The following THSD7A variants were observed in gnomAD, a reference collection of about 807,000 sequenced individuals.
The protein encoded by THSD7A is thrombospondin type 1 domain containing 7A.
Under a neutral mutation model 231.3 loss-of-function variants are expected in THSD7A, and 96 were observed. That is an observed-to-expected ratio of 0.41 (90% confidence interval 0.35 to 0.49). The LOEUF (loss-of-function observed/expected upper bound fraction) is 0.49. THSD7A is among the 20% of genes least tolerant of loss of function. The pLI, the probability that THSD7A is intolerant of heterozygous loss-of-function variation, is 0.05. For missense variants in THSD7A, 2,290 were observed against 2,070.2 expected (o/e 1.11, Z -2.06); for synonymous variants, 940 against 743.3 (o/e 1.26, Z -4.30).
chr7:11,541,075 G>A (rs1358266279), intron 6 of THSD7A, among the ~76,000 whole-genome samples: 1 of 152,108 alleles, frequency 6.6e-6, no homozygotes, highest in African/African-American at 2.4e-5. Flanking sequence ...TGGAGCTATA[G>A]ACTTTTTTAA....
intron 4 of THSD7A, among the ~76,000 whole-genome samples, chr7:11,564,646 C>T (rs17149872): frequency 0.29 from 43,930 of 152,010 alleles, 6,426 homozygotes; most frequent in South Asian, 0.42. Flanking sequence ...GGGCTGTCTC[C>T]TGATTTCAAG....
chr7:11,621,156 T>C (rs541327577), intron 2 of THSD7A, among the ~76,000 whole-genome samples: 12 of 152,312 alleles, frequency 7.9e-5, no homozygotes, highest in African/African-American at 2.6e-4. Flanking sequence ...AATTTGCAAG[T>C]CTAAAATTAA....
intron 9 of THSD7A, among the ~76,000 whole-genome samples, chr7:11,465,237 A>G (rs1370454277): frequency 2.6e-5 from 4 of 152,288 alleles, no homozygotes; most frequent in African/African-American, 9.6e-5. Flanking sequence ...ATTTCTTTCC[A>G]CTTATTCCTT....
intron 1 of THSD7A, among the ~76,000 whole-genome samples, chr7:11,741,569 C>A (rs1441602700): frequency 6.6e-6 from 1 of 151,672 alleles, no homozygotes; most frequent in African/African-American, 2.4e-5. Context: ...GATGAAATAT[C>A]AGGGAATATT....
Position 11,814,082 on chromosome 7 carries a change from G to T in THSD7A, c.190+17675C>A, listed in dbSNP as rs2883595. On this transcript the variant is annotated intron_variant, in intron 1 of 27. Coordinates refer to ENST00000423059, the MANE Select transcript of THSD7A (RefSeq NM_015204.3). This position sits in a 1 kb window ranked among gnomAD's most constrained non-coding sequence, Gnocchi z 5.1. ...AAGTTATGATGCCATTCATATGAAAGGTCCAGACTAGGCGAATAGAGAAAA... is the reference window on the plus strand; with the variant it reads ...AAGTTATGATGCCATTCATATGAAATGTCCAGACTAGGCGAATAGAGAAAA... Among the ~76,000 whole-genome samples the T allele has an allele frequency of 0.76, 115,577 of 152,052 alleles. 44,282 individuals carry two copies. Among genetic ancestry groups the T allele is most frequent in the Admixed American group, 0.83 (12,716 of 15,278 alleles).
intron 13 of THSD7A, among the ~76,000 whole-genome samples, chr7:11,432,420 C>T (rs1353836253): frequency 6.6e-6 from 1 of 152,096 alleles, no homozygotes; most frequent in Non-Finnish European, 1.5e-5. Flanking sequence ...TTTCACTGAA[C>T]ACACCCCTGA....
chr7:11,542,720 C>T (rs561805062), intron 5 of THSD7A, among the ~76,000 whole-genome samples: 37 of 152,206 alleles, frequency 2.4e-4, no homozygotes, highest in Non-Finnish European at 5.3e-4. Flanking sequence ...AACCATTGCA[C>T]TAAACTGTCT....
intron 1 of THSD7A, among the ~76,000 whole-genome samples, chr7:11,692,146 T>C (rs779772094): frequency 6.6e-5 from 10 of 151,404 alleles, no homozygotes; most frequent in Non-Finnish European, 1.2e-4. Context: ...ACAACCAAAA[T>C]CTGTGAGAGT....
rs536712050 is a variant in THSD7A at position 11,719,329 on chromosome 7, A to G, written c.191-82368T>C. ...TCTCCTATACTAAATGAGACTCAGT[A>G]TCTGGAGACATCAGCCTTCATTGTT... is the stretch of plus-strand genomic sequence containing the variant. On this transcript the variant is annotated intron_variant, in intron 1 of 27. Coordinates refer to ENST00000423059, the MANE Select transcript of THSD7A (RefSeq NM_015204.3). Among the ~76,000 whole-genome samples the G allele has an allele frequency of 6.2e-4, 94 of 151,754 alleles. 1 individual carries two copies. Among genetic ancestry groups the G allele is most frequent in the African/African-American group, 2.2e-3 (93 of 41,466 alleles).
At chr7:11,478,770 G>A (rs28611366) in intron 7 of THSD7A, among the ~76,000 whole-genome samples, 4 of 152,012 alleles carry the variant, frequency 2.6e-5, no homozygotes, top group African/African-American at 9.7e-5. Context: ...TGGGGCCATC[G>A]ATAGATAGAT....
intron 1 of THSD7A, among the ~76,000 whole-genome samples, chr7:11,830,635 C>A (rs1335107713): frequency 2.6e-5 from 4 of 152,150 alleles, no homozygotes; most frequent in Non-Finnish European, 1.5e-5. Flanking sequence ...TCTGTTTAAT[C>A]TCCTCACTAA....
At chr7:11,658,014 A>G (rs1482364165) in intron 1 of THSD7A, among the ~76,000 whole-genome samples, 1 of 151,754 alleles carries the variant, frequency 6.6e-6, no homozygotes, top group African/African-American at 2.4e-5. Flanking sequence ...ATGAAAGTCA[A>G]GTACTAGATG....
chr7:11,658,198 A>T (rs1782781787), intron 1 of THSD7A, among the ~76,000 whole-genome samples: 3 of 151,966 alleles, frequency 2.0e-5, no homozygotes, highest in Middle Eastern at 3.4e-3. Flanking sequence ...GGCAATTCAA[A>T]TATAATGTGT....
At chr7:11,488,335 T>A (rs1786748002) in intron 6 of THSD7A, among the ~76,000 whole-genome samples, 2 of 152,038 alleles carry the variant, frequency 1.3e-5, no homozygotes, top group African/African-American at 4.8e-5. Context: ...AGGGAAAAAA[T>A]GGAGTCTCAT....
chr7:11,584,338 T>G (rs1051648076), intron 4 of THSD7A, among the ~76,000 whole-genome samples: 3 of 152,150 alleles, frequency 2.0e-5, no homozygotes, highest in Admixed American at 2.0e-4. Context: ...ATATTAGTAG[T>G]TATTAAACAA....
intron 1 of THSD7A, among the ~76,000 whole-genome samples, chr7:11,703,206 C>T (rs1780659743): frequency 6.6e-6 from 1 of 151,218 alleles, no homozygotes; most frequent in South Asian, 2.1e-4. Context: ...AGCGTTCAAA[C>T]TCTGGTGTTG....
rs537404514 is a variant in THSD7A, at chr7:11,446,853, C to A, written c.2800+377G>T. On this transcript the variant is annotated intron_variant, in intron 12 of 27. Transcript: ENST00000423059. The surrounding 1 kb of genome is among the most constrained non-coding windows in gnomAD (Gnocchi z 4.0). ...ATACAGAATTAATGCTATATTCCCC[C>A]TTCTAGGTGAGAAAGGATAATCTGA... 3.4e-4 allele frequency among the ~76,000 whole-genome samples: 52 copies of A among 152,230 alleles called. 1 individual carries two copies. In the South Asian group the frequency reaches 0.011, roughly 31 times the overall value.
At chr7:11,545,231 A>C (rs958228875) in intron 4 of THSD7A, among the ~76,000 whole-genome samples, 81 of 152,202 alleles carry the variant, frequency 5.3e-4, no homozygotes, top group African/African-American at 1.7e-3. Context: ...AAGACCTTAA[A>C]ATCTCCATTT....
At chr7:11,704,213 C>T (rs1780691866) in intron 1 of THSD7A, among the ~76,000 whole-genome samples, 1 of 150,974 alleles carries the variant, frequency 6.6e-6, no homozygotes, top group Admixed American at 6.6e-5. Flanking sequence ...CAATGAATCA[C>T]AGTACACCAT....
Sources: gnomAD v4.1 joint callset for allele counts (sites outside exome capture counted in the v4.1 genomes callset) on GRCh38, gnomAD v4.1.1 for gene constraint, Gnocchi (gnomAD v3.1) non-coding constraint, MANE v1.5 for transcripts, NCBI Gene and HGNC (gene_info 2026-07-23, HGNC 2026-07-21) for gene names.